Variants in SYT17 observed in about 807,000 individuals in gnomAD.
SYT17 encodes synaptotagmin-17.
Under a neutral mutation model 46.7 loss-of-function variants are expected in SYT17, and 22 were observed. That is an observed-to-expected ratio of 0.47 (90% CI 0.34 to 0.67). SYT17 has a LOEUF of 0.67. Ranked by LOEUF, SYT17 falls within the 30% of genes least tolerant of loss-of-function variation. SYT17 has a pLI of 0.01. For synonymous variants in SYT17, 251 were observed against 248.4 expected, an observed-to-expected ratio of 1.01 and a Z score of -0.10; for missense variants, 519 against 612.8, an observed-to-expected ratio of 0.85 and a Z score of 1.62.
intron 5 of SYT17, among the ~76,000 whole-genome samples, chr16:19,193,323 A>C (rs1237464208): frequency 2.0e-5 from 3 of 152,232 alleles, no homozygotes; most frequent in African/African-American, 7.2e-5. Context: ...AGTATCTTAC[A>C]TTACAAAGCC....
At chr16:19,185,810 G>A (rs1178313088) in intron 5 of SYT17, among the ~76,000 whole-genome samples, 16 of 152,208 alleles carry the variant, frequency 1.1e-4, no homozygotes, top group Admixed American at 1.0e-3. Context: ...CACAGTGGCA[G>A]GCCCAGTTGT....
At chr16:19,252,261 T>G (rs1968135090) in intron 7 of SYT17, among the ~76,000 whole-genome samples, 1 of 148,078 alleles carries the variant, frequency 6.8e-6, no homozygotes, top group Admixed American at 6.8e-5. Flanking sequence ...GCAGAATTCT[T>G]CATCCTTTGA....
intron 7 of SYT17, among the ~76,000 whole-genome samples, chr16:19,241,530 T>A (rs1490525295): frequency 6.6e-6 from 1 of 152,132 alleles, no homozygotes; most frequent in African/African-American, 2.4e-5. Context: ...TGGCCGTACC[T>A]CCTGGCAGCC....
At chr16:19,222,367 C>T (rs1369018537) in intron 5 of SYT17, among the ~76,000 whole-genome samples, 1 of 151,890 alleles carries the variant, frequency 6.6e-6, no homozygotes, top group Non-Finnish European at 1.5e-5. Flanking sequence ...AGTATGGAGT[C>T]ATGCACTTAG....
At chr16:19,191,639 A>C (rs555646879) in intron 5 of SYT17, among the ~76,000 whole-genome samples, 1 of 152,362 alleles carries the variant, frequency 6.6e-6, no homozygotes, top group Non-Finnish European at 1.5e-5. Flanking sequence ...CATTCAAAAA[A>C]GATAGAGTGA....
chr16:19,185,359 G>A (rs145765692), intron 5 of SYT17, among the ~76,000 whole-genome samples: 141 of 152,358 alleles, frequency 9.3e-4, no homozygotes, highest in African/African-American at 3.3e-3. Flanking sequence ...GGCTGAGGCA[G>A]GAGAATCACT....
chr16:19,205,139 G>A (rs1287333928), intron 5 of SYT17, among the ~76,000 whole-genome samples: 1 of 152,146 alleles, frequency 6.6e-6, no homozygotes, highest in Non-Finnish European at 1.5e-5. Flanking sequence ...TAAAATAAAT[G>A]TCAGTTCATG....
At chr16:19,204,071 C>T (rs1965572815) in intron 5 of SYT17, among the ~76,000 whole-genome samples, 1 of 152,148 alleles carries the variant, frequency 6.6e-6, no homozygotes, top group Admixed American at 6.5e-5. Context: ...GTTGCTGTTT[C>T]TGGAGCAGAG....
chr16:19,221,051 A>G lies in SYT17; in HGVS notation c.952-1994A>G, dbSNP rs77727158. On this transcript the variant is annotated intron_variant, in intron 5 of 7. Transcript: ENST00000355377. Reference sequence around the variant, plus strand: ...TTAAAAAAAAAAAAATCATCCAGGCATAGTGGCACATGCCGTAATCCCAGC... The same window carrying G: ...TTAAAAAAAAAAAAATCATCCAGGCGTAGTGGCACATGCCGTAATCCCAGC... Among the ~76,000 whole-genome samples the G allele has an allele frequency of 6.4e-3, 968 of 152,126 alleles. 5 individuals carry two copies. Among genetic ancestry groups the G allele is most frequent in the Non-Finnish European group, 0.011 (737 of 67,976 alleles).
chr16:19,203,433 G>A (rs115617313), intron 5 of SYT17, among the ~76,000 whole-genome samples: 2,234 of 152,196 alleles, frequency 0.015, 54 homozygotes, highest in African/African-American at 0.052. Context: ...CACCATCATC[G>A]AAGGGCCCTT....
At chr16:19,237,599 C>G (rs1031175114) in intron 7 of SYT17, among the ~76,000 whole-genome samples, 1 of 152,192 alleles carries the variant, frequency 6.6e-6, no homozygotes, top group Non-Finnish European at 1.5e-5. Flanking sequence ...TGTAATTAAA[C>G]GTAGGTATAA....
At chr16:19,208,105 G>T (rs1453372518) in intron 5 of SYT17, among the ~76,000 whole-genome samples, 1 of 152,164 alleles carries the variant, frequency 6.6e-6, no homozygotes, top group African/African-American at 2.4e-5. Context: ...GGCAAAGAGG[G>T]ATGCATCCTA....
At chr16:19,184,248 A>G in intron 5 of SYT17, 101 bp downstream of exon 5, 2 of 1,438,846 alleles carry the variant, frequency 1.4e-6, no homozygotes, top group Non-Finnish European at 9.3e-7. Context: ...GATTTTTAAA[A>G]CTTTTTATTT....
chr16:19,178,061 A>G (rs938309750), intron 3 of SYT17, among the ~76,000 whole-genome samples: 3 of 151,480 alleles, frequency 2.0e-5, no homozygotes, highest in African/African-American at 7.3e-5. Context: ...GGGATACCCA[A>G]GACTGGGTAA....
At chr16:19,206,634 C>T (rs1965682730) in intron 5 of SYT17, among the ~76,000 whole-genome samples, 1 of 152,056 alleles carries the variant, frequency 6.6e-6, no homozygotes, top group Non-Finnish European at 1.5e-5. Context: ...GAGAAACCAC[C>T]CCAGGCCTCT....
At chr16:19,226,908 A>G (rs1966516846) in intron 7 of SYT17, among the ~76,000 whole-genome samples, 1 of 152,166 alleles carries the variant, frequency 6.6e-6, no homozygotes. Context: ...TGTAGCACAC[A>G]CGTGTTATAA....
At chr16:19,172,811 T>G (rs776368509) in intron 2 of SYT17, 34 bp downstream of exon 2, 1 of 1,613,700 alleles carries the variant, frequency 6.2e-7, no homozygotes, top group Non-Finnish European at 8.5e-7. Flanking sequence ...TGGTCTGGTT[T>G]CTAATCAAGA....
rs755263290 is a variant in SYT17, at chr16:19,172,747, C to T, written c.16-13C>T. ...TTACGCCCTTGGCTTCATCGTGGAT[C>T]TTAAAAGGGCAGTTGGAACCATTAA... On this transcript the variant is annotated splice_polypyrimidine_tract_variant and intron_variant, in intron 1 of 7. Transcript: ENST00000355377. The T allele has an allele frequency of 6.2e-7, 1 of 1,612,880 alleles. No individual in the cohort carries two copies. Among genetic ancestry groups the T allele is most frequent in the Non-Finnish European group, 8.5e-7 (1 of 1,179,938 alleles).
chr16:19,234,862 T>C (rs1966826390), intron 7 of SYT17, among the ~76,000 whole-genome samples: 1 of 152,230 alleles, frequency 6.6e-6, no homozygotes, highest in African/African-American at 2.4e-5. Context: ...AGGTATTTAA[T>C]AGCTCAGCCC....
Sources: allele counts gnomAD v4.1 joint callset (sites outside exome capture counted in the v4.1 genomes callset), GRCh38; gene constraint gnomAD v4.1.1; transcripts MANE v1.5; gene names NCBI Gene and HGNC (gene_info 2026-07-23, HGNC 2026-07-21).